The following TBCK variants were observed in gnomAD, a reference collection of about 807,000 sequenced individuals.
The protein encoded by TBCK is TBC1 domain containing kinase.
TBCK carries 99 observed loss-of-function variants against 113.4 expected under a neutral mutation model. The observed-to-expected ratio is 0.87, with a 90% confidence interval of 0.74 to 1.03. The LOEUF (loss-of-function observed/expected upper bound fraction) is 1.03. TBCK is among the 50% of genes least tolerant of loss of function. The pLI, the probability that TBCK is intolerant of heterozygous loss-of-function variation, is 0.00. For synonymous variants in TBCK, 369 were observed against 370.8 expected, an observed-to-expected ratio of 1.00 and a Z score of 0.05; for missense variants, 1,045 against 1,061.3, an observed-to-expected ratio of 0.98 and a Z score of 0.21.
chr4:106,183,914 T>C lies in TBCK; in HGVS notation c.2059+9695A>G, dbSNP rs537005122. Among the ~76,000 whole-genome samples, 48 of 152,202 alleles carry C rather than the reference T, an allele frequency of 3.2e-4. No homozygotes were observed. In the Middle Eastern group the frequency reaches 0.01, roughly 32 times the overall value. ...CCTTCTCATGTATTTAGCTGATTCA[T>C]GCTTCAAACATCATCAAGATCACAA... On this transcript the variant is annotated intron_variant, in intron 22 of 25. Transcript: ENST00000394708.
At chr4:106,293,872 T>C (rs192143128) in intron 3 of TBCK, among the ~76,000 whole-genome samples, 1 of 152,316 alleles carries the variant, frequency 6.6e-6, no homozygotes, top group African/African-American at 2.4e-5. Flanking sequence ...TGGCAAGATG[T>C]TTTATTGGTT....
intron 1 of TBCK, among the ~76,000 whole-genome samples, chr4:106,314,408 T>C (rs1049042504): frequency 6.6e-6 from 1 of 152,200 alleles, no homozygotes; most frequent in Non-Finnish European, 1.5e-5. Context: ...GGGCTATTTC[T>C]AGAAGTCAAC....
Position 106,230,425 on chromosome 4 carries a change from G to A in TBCK, c.1712C>T (p.Ser571Phe). 1 of 1,602,622 alleles carries A rather than the reference G, an allele frequency of 6.2e-7. No homozygotes were observed. The highest frequency in any genetic ancestry group is 8.5e-7 in the Non-Finnish European group (1 of 1,172,394). ...NNEALAYACM[S>F]AFIPKYLYNF... The stretch of plus-strand genomic sequence containing the variant: ...ATACAGGTATTTGGGAATAAAAGCA[G>A]ACATACATGCATAAGCCAAGGCTAA... Residue 571 changes from serine to phenylalanine, a missense_variant, in exon 19 of 26, where the codon TCT (serine) becomes TTT (phenylalanine). Physicochemically the swap from Ser to Phe is radical, Grantham distance 155. Transcript: ENST00000394708.
chr4:106,234,004 A>G (rs1344505254), intron 15 of TBCK, among the ~76,000 whole-genome samples: 14 of 152,252 alleles, frequency 9.2e-5, no homozygotes, highest in African/African-American at 3.4e-4. Flanking sequence ...TAATTACATG[A>G]TAGAATCATT....
chr4:106,137,622 C>A (rs1186862365), intron 23 of TBCK, among the ~76,000 whole-genome samples: 1 of 140,784 alleles, frequency 7.1e-6, no homozygotes, highest in Non-Finnish European at 1.6e-5. Context: ...GAAGAGGTTT[C>A]TATTCATAAA....
chr4:106,089,519 A>C (rs1177573543), intron 25 of TBCK, among the ~76,000 whole-genome samples: 1 of 152,166 alleles, frequency 6.6e-6, no homozygotes, highest in African/African-American at 2.4e-5. Flanking sequence ...CCAAATTCTT[A>C]ACCTGCTTCA....
At position 106,082,840 on chromosome 4, in the gene TBCK, G is replaced by A. The variant is rs936130461; in HGVS notation, c.2571+12642C>T. ...AGAAGGAAGAGCAGTGTGGTGTGGC[G>A]GTCCACCTGTGATCCACACAGGGAA... On this transcript the variant is annotated intron_variant, in intron 25 of 25. Transcript: ENST00000394708. Among the ~76,000 whole-genome samples the A allele has an allele frequency of 7.3e-5, 11 of 149,722 alleles. No individual in the cohort carries two copies. The South Asian group carries it at 1.5e-3, about 20-fold the overall frequency.
chr4:106,147,195 A>G (rs1368141575), intron 23 of TBCK, among the ~76,000 whole-genome samples: 1 of 152,044 alleles, frequency 6.6e-6, no homozygotes, highest in Non-Finnish European at 1.5e-5. Context: ...TCTTACAAAC[A>G]CCTTTTCATA....
chr4:106,127,111 G>A (rs1388324677), intron 23 of TBCK, among the ~76,000 whole-genome samples: 1 of 151,582 alleles, frequency 6.6e-6, no homozygotes, highest in South Asian at 2.1e-4. Flanking sequence ...GGGAGGCTGA[G>A]GCAGGAGAAT....
chr4:106,239,697 C>A (rs1159620433), intron 12 of TBCK, among the ~76,000 whole-genome samples: 1 of 151,892 alleles, frequency 6.6e-6, no homozygotes, highest in African/African-American at 2.4e-5. Context: ...AAATAAACAA[C>A]CTGAGTAAAC....
intron 5 of TBCK, among the ~76,000 whole-genome samples, chr4:106,259,342 T>G (rs965054787): frequency 6.6e-6 from 1 of 151,844 alleles, no homozygotes; most frequent in African/African-American, 2.4e-5. Flanking sequence ...CAATTCTCAG[T>G]AACGGTGTGA....
At chr4:106,049,577 G>C (rs1278241993) in intron 25 of TBCK, among the ~76,000 whole-genome samples, 1 of 151,994 alleles carries the variant, frequency 6.6e-6, no homozygotes, top group Non-Finnish European at 1.5e-5. Flanking sequence ...ATCATACATG[G>C]AGAAGATATA....
chr4:106,196,174 A>G lies in TBCK; in HGVS notation c.1861-1420T>C, dbSNP rs558848569. 3.9e-5 allele frequency among the ~76,000 whole-genome samples: 6 copies of G among 152,038 alleles called. No individual in the cohort carries two copies. In the East Asian group the frequency reaches 1.2e-3, roughly 29 times the overall value. On this transcript the variant is annotated intron_variant, in intron 20 of 25. Coordinates refer to ENST00000394708, the MANE Select transcript of TBCK (RefSeq NM_001163435.3). ...TTACTACCTAGAAATATATACATAC[A>G]CACATATATAGCTATATATATAGTA...
chr4:106,083,790 C>G (rs1739187409), intron 25 of TBCK, among the ~76,000 whole-genome samples: 1 of 152,062 alleles, frequency 6.6e-6, no homozygotes, highest in Admixed American at 6.5e-5. Context: ...GGCACAGGAG[C>G]AAATAAGATG....
At chr4:106,233,491 G>A in intron 16 of TBCK, 97 bp downstream of exon 16, 1 of 885,518 alleles carries the variant, frequency 1.1e-6, no homozygotes, top group South Asian at 1.4e-5. Flanking sequence ...CAGTGTCTCT[G>A]TATTCATGAG....
chr4:106,061,938 C>A (rs1181785878), intron 25 of TBCK, among the ~76,000 whole-genome samples: 1 of 151,640 alleles, frequency 6.6e-6, no homozygotes, highest in African/African-American at 2.4e-5. Context: ...TACTGGGTCA[C>A]AAACGCTTTG....
At chr4:106,057,403 G>A (rs1004085409) in intron 25 of TBCK, among the ~76,000 whole-genome samples, 1 of 151,702 alleles carries the variant, frequency 6.6e-6, no homozygotes, top group African/African-American at 2.4e-5. Flanking sequence ...TTTTCCAAAC[G>A]ACTTTCCAAA....
At chr4:106,054,283 C>CTTCT (rs1735149551) in intron 25 of TBCK, among the ~76,000 whole-genome samples, 1 of 151,720 alleles carries the variant, frequency 6.6e-6, no homozygotes, top group African/African-American at 2.4e-5. Context: ...ACTTAGATTA[C>CTTCT]TGCAAGAACT....
chr4:106,058,672 G>A (rs1735703728), intron 25 of TBCK, among the ~76,000 whole-genome samples: 1 of 151,672 alleles, frequency 6.6e-6, no homozygotes, highest in African/African-American at 2.4e-5. Flanking sequence ...GAAGGACCTT[G>A]GAACACAGAG....
Sources: gnomAD v4.1 joint callset for allele counts (sites outside exome capture counted in the v4.1 genomes callset) on GRCh38, gnomAD v4.1.1 for gene constraint, MANE v1.5 for transcripts, NCBI Gene and HGNC (gene_info 2026-07-23, HGNC 2026-07-21) for gene names.